Variants in ESRRG observed in about 807,000 individuals in gnomAD.
ESRRG encodes estrogen-related receptor gamma.
Under a neutral mutation model 44.0 loss-of-function variants are expected in ESRRG, and 13 were observed. That is an observed-to-expected ratio of 0.30 (90% CI 0.19 to 0.47). ESRRG has a LOEUF of 0.47. Ranked by LOEUF, ESRRG falls within the 20% of genes least tolerant of loss-of-function variation. The probability of loss-of-function intolerance (pLI) is 1.00; values close to 1 mark genes in which losing one functional copy is unlikely to be tolerated. For missense variants in ESRRG, 395 were observed against 580.6 expected, an observed-to-expected ratio of 0.68 and a Z score of 3.29; for synonymous variants, 215 against 214.6, an observed-to-expected ratio of 1.00 and a Z score of -0.02.
chr1:217,039,540 G>T (rs1230012742), intron 1 of ESRRG, among the ~76,000 whole-genome samples: 1 of 152,124 alleles, frequency 6.6e-6, no homozygotes, highest in African/African-American at 2.4e-5. Context: ...CAGCTCTCGT[G>T]AGACCCACTC....
At chr1:217,130,483 T>C (rs1488339706) in intron 1 of ESRRG, among the ~76,000 whole-genome samples, 1 of 152,092 alleles carries the variant, frequency 6.6e-6, no homozygotes, top group African/African-American at 2.4e-5. Context: ...CAATTCTCTC[T>C]CCTGGGCCTC....
At chr1:216,731,991 A>C (rs2088875581) in intron 2 of ESRRG, among the ~76,000 whole-genome samples, 1 of 152,234 alleles carries the variant, frequency 6.6e-6, no homozygotes, top group Admixed American at 6.5e-5. Context: ...AAGAATTGAA[A>C]TTTAACAAAG....
intron 2 of ESRRG, among the ~76,000 whole-genome samples, chr1:216,740,545 AC>A (rs974715870): frequency 6.6e-6 from 1 of 152,034 alleles, no homozygotes; most frequent in African/African-American, 2.4e-5. Flanking sequence ...CATCAGCCTG[AC>A]AAAAAAAGCA....
intron 2 of ESRRG, among the ~76,000 whole-genome samples, chr1:216,896,769 C>T (rs1452214189): frequency 2.6e-5 from 4 of 152,188 alleles, no homozygotes; most frequent in African/African-American, 7.2e-5. Flanking sequence ...CAGTTAAAAG[C>T]GAATGAAAAT....
At chr1:217,134,382 TG>T (rs1314134363) in intron 1 of ESRRG, among the ~76,000 whole-genome samples, 6 of 152,128 alleles carry the variant, frequency 3.9e-5, no homozygotes, top group Admixed American at 2.6e-4. Context: ...GAGAAACTGG[TG>T]GTGCCTAAGA....
chr1:217,055,963 T>C (rs2087003031), intron 1 of ESRRG, among the ~76,000 whole-genome samples: 1 of 152,160 alleles, frequency 6.6e-6, no homozygotes, highest in South Asian at 2.1e-4. Flanking sequence ...GTATCTCCTT[T>C]TCTCCTTGGG....
intron 2 of ESRRG, among the ~76,000 whole-genome samples, chr1:216,899,793 C>T (rs1019684964): frequency 1.8e-4 from 27 of 152,098 alleles, no homozygotes; most frequent in Non-Finnish European, 3.2e-4. Context: ...AAAATCCAAA[C>T]AAAAGATGGG....
intron 1 of ESRRG, chr1:216,985,615 AAGACAATGTT>A (rs2074738792): frequency 6.6e-6 from 1 of 152,218 alleles, no homozygotes; most frequent in African/African-American, 2.4e-5. Flanking sequence ...TATATTGTGT[AAGACAATGTT>A]GGTCAAGTCT....
upstream of ESRRG, among the ~76,000 whole-genome samples, chr1:216,726,161 T>C (rs1376647203): frequency 6.6e-6 from 1 of 152,210 alleles, no homozygotes; most frequent in Non-Finnish European, 1.5e-5. Flanking sequence ...CCATATTTCA[T>C]CTACGCAAGG....
intron 5 of ESRRG, among the ~76,000 whole-genome samples, chr1:216,554,644 A>G (rs1270238296): frequency 6.6e-6 from 1 of 152,140 alleles, no homozygotes; most frequent in Non-Finnish European, 1.5e-5. Context: ...TCTTAAAAAA[A>G]CTAATTTGTA....
intron 2 of ESRRG, among the ~76,000 whole-genome samples, chr1:216,911,787 A>G (rs2060329973): frequency 6.6e-6 from 1 of 152,040 alleles, no homozygotes; most frequent in South Asian, 2.1e-4. Flanking sequence ...AAGAAAAGAC[A>G]GGCTGGGTGT....
At chr1:216,931,835 C>CAAAAAAAAAAAAAAAA (rs56050369) in intron 2 of ESRRG, among the ~76,000 whole-genome samples, 1 of 130,978 alleles carries the variant, frequency 7.6e-6, no homozygotes, top group African/African-American at 2.9e-5. Flanking sequence ...TGAGAAACCA[C>CAAAAAAAAAAAAAAAA]AAAAAAAAAA....
chr1:216,826,849 TG>T (rs768852460), intron 2 of ESRRG, among the ~76,000 whole-genome samples: 19 of 152,336 alleles, frequency 1.2e-4, no homozygotes, highest in Middle Eastern at 3.4e-3. Flanking sequence ...TTACACACTT[TG>T]GTTATAGAAG....
chr1:217,018,092 T>C (rs544437519), intron 1 of ESRRG, among the ~76,000 whole-genome samples: 1 of 152,226 alleles, frequency 6.6e-6, no homozygotes, highest in Non-Finnish European at 1.5e-5. Flanking sequence ...TCATTTGAAC[T>C]AATAAACCAA....
chr1:217,036,768 C>A (rs1200803079), intron 1 of ESRRG, among the ~76,000 whole-genome samples: 4 of 150,112 alleles, frequency 2.7e-5, no homozygotes, highest in Non-Finnish European at 5.9e-5. Flanking sequence ...CTCCATGACA[C>A]AATTTTACCT....
At chr1:216,517,576 A>G (rs1321846978) in intron 6 of ESRRG, among the ~76,000 whole-genome samples, 1 of 152,322 alleles carries the variant, frequency 6.6e-6, no homozygotes, top group Non-Finnish European at 1.5e-5. Flanking sequence ...AACCAAGTAA[A>G]TGTTTTAAAT....
chr1:217,119,776 T>C (rs2092794850), intron 1 of ESRRG, among the ~76,000 whole-genome samples: 1 of 152,352 alleles, frequency 6.6e-6, no homozygotes, highest in Admixed American at 6.5e-5. Context: ...ACATTTTGTG[T>C]CATAATGTAA....
At chr1:216,546,355 T>C (rs2054514681) in intron 5 of ESRRG, among the ~76,000 whole-genome samples, 1 of 151,610 alleles carries the variant, frequency 6.6e-6, no homozygotes, top group Non-Finnish European at 1.5e-5. Context: ...CTGTGCAGCA[T>C]TTTTGGAAAC....
At chr1:217,096,543 A>G (rs563529205) in intron 1 of ESRRG, among the ~76,000 whole-genome samples, 4 of 152,258 alleles carry the variant, frequency 2.6e-5, no homozygotes, top group South Asian at 2.1e-4. Flanking sequence ...TCATCCTCCA[A>G]CAATCCTCAG....
Sources: allele counts gnomAD v4.1 joint callset (sites outside exome capture counted in the v4.1 genomes callset), GRCh38; gene constraint gnomAD v4.1.1; transcripts MANE v1.5; gene names NCBI Gene and HGNC (gene_info 2026-07-23, HGNC 2026-07-21).